Variants in CEP97 observed in about 807,000 individuals in gnomAD.
The protein encoded by CEP97 is centrosomal protein 97.
CEP97 carries 43 observed loss-of-function variants against 73.1 expected under a neutral mutation model. That is an observed-to-expected ratio of 0.59 (90% CI 0.46 to 0.76). The LOEUF (loss-of-function observed/expected upper bound fraction) is 0.76. Among genes scored for constraint, CEP97 ranks in the 30% least tolerant of loss-of-function variants. The pLI is 0.00. For missense variants in CEP97, 939 were observed against 1,014.0 expected, an observed-to-expected ratio of 0.93 and a Z score of 1.00; for synonymous variants, 337 against 370.0, an observed-to-expected ratio of 0.91 and a Z score of 1.02.
rs1375653888 is a variant in CEP97, at chr3:101,727,387, C to T, written c.191C>T (p.Ser64Leu). The T allele has an allele frequency of 3.7e-6, 6 of 1,609,904 alleles. No homozygotes were observed. Among genetic ancestry groups the T allele is most frequent in the Non-Finnish European group, 5.1e-6 (6 of 1,177,834 alleles). ...LEKCKRLIQL[S>L]VANNRLVRMM... ...CAATATGTTTCCTTTTTACAGTTAT[C>T]AGTAGCTAATAATCGGCTGGTTCGG... The change falls in exon 3 of 11, where the codon TCA becomes TTA. Residue 64 changes from serine to leucine, a missense_variant. Transcript: ENST00000341893.
intron 3 of CEP97, 37 bp downstream of exon 3, chr3:101,727,578 C>G: frequency 1.4e-5 from 21 of 1,515,572 alleles, no homozygotes; most frequent in Non-Finnish European, 1.9e-5. Context: ...AACTATTCTG[C>G]GTAAAAAAAA....
intron 10 of CEP97, 82 bp from the exon 11 acceptor site, chr3:101,764,765 A>G (rs1388036796): frequency 1.8e-5 from 23 of 1,265,158 alleles, no homozygotes; most frequent in Non-Finnish European, 2.2e-5. Flanking sequence ...CCTGGGTGAC[A>G]GAGCGAGACC....
At chr3:101,757,469 C>G (rs966746257) in intron 8 of CEP97, among the ~76,000 whole-genome samples, 165 bp from the exon 9 acceptor site, 2 of 152,072 alleles carry the variant, frequency 1.3e-5, no homozygotes, top group African/African-American at 4.8e-5. Context: ...CACAAGAATT[C>G]ATTTTCTTAA....
At chr3:101,738,861 C>G (rs1938360766) in intron 6 of CEP97, among the ~76,000 whole-genome samples, 1 of 152,002 alleles carries the variant, frequency 6.6e-6, no homozygotes, top group Non-Finnish European at 1.5e-5. Context: ...GATAGAGACA[C>G]AAAAAACCCT....
chr3:101,729,524 A>C (rs1302660702), intron 4 of CEP97, among the ~76,000 whole-genome samples: 2 of 152,146 alleles, frequency 1.3e-5, no homozygotes, highest in Non-Finnish European at 2.9e-5. Flanking sequence ...AACTTCAGTT[A>C]TTATATAGTA....
Position 101,746,497 on chromosome 3 carries a change from C to T in CEP97, c.729-8933C>T, listed in dbSNP as rs557076545. Among the ~76,000 whole-genome samples the T allele has an allele frequency of 3.2e-3, 478 of 150,620 alleles. 2 individuals are homozygous for T. The highest frequency in any genetic ancestry group is 0.011 in the African/African-American group (442 of 40,862). On this transcript the variant is annotated intron_variant, in intron 6 of 10. Coordinates refer to ENST00000341893, the MANE Select transcript of CEP97 (RefSeq NM_024548.4). ...CATATGTAGAAAGCTGAAACTGGAT[C>T]CCTTCCTTACACCTTATACAAAAAT... is the stretch of plus-strand genomic sequence containing the variant.
At chr3:101,752,452 A>G (rs1394631732) in intron 6 of CEP97, among the ~76,000 whole-genome samples, 2 of 152,168 alleles carry the variant, frequency 1.3e-5, no homozygotes, top group East Asian at 3.9e-4. Context: ...GCCTTGCTAG[A>G]TTGGGGAAGT....
At chr3:101,760,188 A>C (rs1183201936) in intron 9 of CEP97, among the ~76,000 whole-genome samples, 1 of 152,120 alleles carries the variant, frequency 6.6e-6, no homozygotes, top group Non-Finnish European at 1.5e-5. Context: ...GTCCTGTCTG[A>C]TGCTGCTTCT....
intron 6 of CEP97, among the ~76,000 whole-genome samples, chr3:101,739,856 G>T (rs1275256089): frequency 6.0e-5 from 9 of 150,430 alleles, no homozygotes; most frequent in Admixed American, 5.3e-4. Context: ...AGTGAGCTGA[G>T]ATCACACCAC....
Position 101,724,668 on chromosome 3 carries a change from G to A in CEP97, c.-9G>A, listed in dbSNP as rs1560005299. 6.2e-7 allele frequency: 1 copy of A among 1,614,194 alleles called. No individual in the cohort carries two copies. On this transcript the variant is annotated 5_prime_UTR_variant, in exon 1 of 11. Coordinates refer to ENST00000341893, the MANE Select transcript of CEP97 (RefSeq NM_024548.4). ...GACGGTTGCCTGGTATTATTAGCAA[G>A]CAGCAAATATGGCGGTGGCGCGCGT... is the stretch of plus-strand genomic sequence containing the variant.
chr3:101,728,972 A>G, intron 4 of CEP97, 35 bp downstream of exon 4: 1 of 1,165,712 alleles, frequency 8.6e-7, no homozygotes, highest in Non-Finnish European at 1.3e-6. Flanking sequence ...GTGAAGTTTT[A>G]TAGCAAAATA....
intron 9 of CEP97, among the ~76,000 whole-genome samples, chr3:101,761,136 G>A (rs1939162542): frequency 6.6e-6 from 1 of 152,146 alleles, no homozygotes; most frequent in Non-Finnish European, 1.5e-5. Context: ...CAAAGTGCTG[G>A]GATTACAGGT....
rs189624390 is a variant in CEP97, at chr3:101,748,936, G to A, written c.729-6494G>A. On this transcript the variant is annotated intron_variant, in intron 6 of 10. Coordinates refer to ENST00000341893, the MANE Select transcript of CEP97 (RefSeq NM_024548.4). ...ATTACAGGTGTGAGCCACTGCGCCC[G>A]GCCCATGGAAGGAATACTTCTAATT... 1.1e-4 allele frequency among the ~76,000 whole-genome samples: 16 copies of A among 152,160 alleles called. No individual in the cohort carries two copies. In the East Asian group the frequency reaches 1.2e-3, roughly 11 times the overall value.
intron 6 of CEP97, among the ~76,000 whole-genome samples, chr3:101,746,373 G>A (rs1238392481): frequency 2.6e-5 from 4 of 151,182 alleles, no homozygotes; most frequent in South Asian, 2.1e-4. Context: ...AAATAACGCC[G>A]CATATCTACA....
chr3:101,743,424 G>T (rs1290366187), intron 6 of CEP97, among the ~76,000 whole-genome samples: 1 of 151,810 alleles, frequency 6.6e-6, no homozygotes, highest in Admixed American at 6.6e-5. Context: ...AAGACAGAGT[G>T]TTGCTCTGTT....
chr3:101,727,407 G>A lies in CEP97; in HGVS notation c.211G>A (p.Val71Ile), dbSNP rs756408387. ...GTTATCAGTAGCTAATAATCGGCTG[G>A]TTCGGATGATGGGTGTGGCCAAGCT... is the stretch of plus-strand genomic sequence containing the variant. ...IQLSVANNRL[V>I]RMMGVAKLTL... The change falls in exon 3 of 11, where the codon GTT becomes ATT. Residue 71 changes from valine to isoleucine, a missense_variant. Val to Ile is a conservative substitution (Grantham distance 29). Transcript: ENST00000341893. 10 of 1,613,374 alleles carry A rather than the reference G, an allele frequency of 6.2e-6. No individual in the cohort carries two copies. The highest frequency in any genetic ancestry group is 1.3e-5 in the African/African-American group (1 of 74,868).
intron 6 of CEP97, among the ~76,000 whole-genome samples, chr3:101,746,725 A>G (rs1439748552): frequency 6.6e-6 from 1 of 152,216 alleles, no homozygotes; most frequent in African/African-American, 2.4e-5. Flanking sequence ...AGAAACTACC[A>G]TCAGAGTCAA....
At chr3:101,745,217 T>C (rs1035274961) in intron 6 of CEP97, among the ~76,000 whole-genome samples, 1 of 152,246 alleles carries the variant, frequency 6.6e-6, no homozygotes, top group African/African-American at 2.4e-5. Context: ...AAAGTTAATA[T>C]TCCTTTTTAA....
rs1576705387 is a variant in CEP97 at position 101,766,200 on chromosome 3, A to G, written c.*649A>G. 4 of 152,242 alleles carry G rather than the reference A, an allele frequency of 2.6e-5. No individual in the cohort carries two copies. The East Asian group carries it at 7.7e-4, about 29-fold the overall frequency. The allele number at this position is 152,242 out of a possible 1,614,324, so 9.4% of individuals were successfully genotyped here. A position where few individuals can be genotyped will look rare whatever the true frequency, so the allele number is the denominator to read the frequency against. ...TAATGTCATGCATCAGTTTTAACATATGAAGTAAAGTGTTCTATCCAGGAT... is the reference window on the plus strand; with the variant it reads ...TAATGTCATGCATCAGTTTTAACATGTGAAGTAAAGTGTTCTATCCAGGAT... On this transcript the variant is annotated 3_prime_UTR_variant, in exon 11 of 11. Transcript: ENST00000341893.
Sources: allele counts gnomAD v4.1 joint callset (sites outside exome capture counted in the v4.1 genomes callset), GRCh38; gene constraint gnomAD v4.1.1; transcripts MANE v1.5; gene names NCBI Gene and HGNC (gene_info 2026-07-23, HGNC 2026-07-21).